The following CEP164 variants were observed in gnomAD, a reference collection of about 807,000 sequenced individuals.
CEP164 encodes the protein centrosomal protein of 164 kDa.
In CEP164, 162 loss-of-function variants were observed where a neutral mutation model predicts 182.7. The ratio of observed to expected loss-of-function variants is 0.89; its 90% CI spans 0.78 to 1.01. CEP164 has a LOEUF of 1.01. Ranked by LOEUF, CEP164 falls within the 50% of genes least tolerant of loss-of-function variation. CEP164 has a pLI of 0.00. For missense variants in CEP164, 1,735 were observed against 1,790.4 expected (o/e 0.97, Z 0.56); for synonymous variants, 661 against 690.0 (o/e 0.96, Z 0.66).
intron 3 of CEP164, among the ~76,000 whole-genome samples, chr11:117,339,511 C>CTCTGTTTTCT (rs2037745726): frequency 8.3e-6 from 1 of 119,846 alleles, no homozygotes; most frequent in Non-Finnish European, 1.7e-5. Context: ...TTACCTTTTC[C>CTCTGTTTTCT]TTTGTTTTTT....
chr11:117,412,339 A>G lies in CEP164; in HGVS notation c.*171A>G, dbSNP rs141750988. On this transcript the variant is annotated 3_prime_UTR_variant, in exon 33 of 33. Coordinates refer to ENST00000278935, the MANE Select transcript of CEP164 (RefSeq NM_014956.5). The stretch of plus-strand genomic sequence containing the variant: ...GAACAGTAAAGCCACACATTCTGTG[A>G]CTATATAACCTATCTCAGGCTAAAA... 251 of 584,466 alleles carry G rather than the reference A, an allele frequency of 4.3e-4. No individual in the cohort carries two copies. The African/African-American group carries it at 4.5e-3, about 10-fold the overall frequency. 36.2% of individuals were successfully genotyped at this position (584,466 alleles called of 1,614,324 possible). A position where few individuals can be genotyped will look rare whatever the true frequency, so the allele number is the denominator to read the frequency against.
intron 27 of CEP164, 50 bp downstream of exon 27, chr11:117,397,363 G>A: frequency 1.3e-6 from 2 of 1,549,686 alleles, no homozygotes; most frequent in South Asian, 1.2e-5. Context: ...GGAGGCGGGG[G>A]GAGTCAGCAA....
intron 1 of CEP164, among the ~76,000 whole-genome samples, chr11:117,331,456 G>T (rs1021983824): frequency 1.3e-5 from 2 of 152,172 alleles, no homozygotes; most frequent in Admixed American, 6.5e-5. Context: ...GACTGTGCTA[G>T]GCACTTTATA....
At chr11:117,403,980 C>T (rs545325556) in intron 27 of CEP164, among the ~76,000 whole-genome samples, 9 of 152,020 alleles carry the variant, frequency 5.9e-5, no homozygotes, top group Non-Finnish European at 1.0e-4. Flanking sequence ...ACAAAGTTCT[C>T]GTGCTTGTTT....
intron 20 of CEP164, 98 bp downstream of exon 20, chr11:117,393,224 C>T: frequency 6.7e-7 from 1 of 1,492,984 alleles, no homozygotes; most frequent in Non-Finnish European, 9.0e-7. Flanking sequence ...CGCACATGCA[C>T]ACACACCCCG....
At chr11:117,381,629 T>C in intron 12 of CEP164, 72 bp from the exon 13 acceptor site, 1 of 1,507,504 alleles carries the variant, frequency 6.6e-7, no homozygotes, top group South Asian at 1.3e-5. Context: ...GTCCACACAC[T>C]GTACTCCCCA....
At chr11:117,357,368 C>T (rs1393724283) in intron 5 of CEP164, among the ~76,000 whole-genome samples, 1 of 150,602 alleles carries the variant, frequency 6.6e-6, no homozygotes, top group Admixed American at 6.6e-5. Flanking sequence ...CTTGGCCTCC[C>T]CAAGTGCTGG....
intron 2 of CEP164, among the ~76,000 whole-genome samples, 172 bp downstream of exon 2, chr11:117,335,852 T>C (rs1360285636): frequency 6.6e-6 from 1 of 152,090 alleles, no homozygotes; most frequent in Non-Finnish European, 1.5e-5. Flanking sequence ...ATAATTAAAT[T>C]TCCACAAACC....
In CEP164 at chr11:117,411,815, A is replaced by C. The variant is rs1371473952; in HGVS notation, c.4184A>C (p.Gln1395Pro). 3 of 1,614,142 alleles carry C rather than the reference A, an allele frequency of 1.9e-6. No individual in the cohort carries two copies. Among genetic ancestry groups the C allele is most frequent in the South Asian group, 2.2e-5 (2 of 91,078 alleles). Residue 1395 changes from glutamine (Q) to proline (P), a missense_variant, in exon 32 of 33, where the codon CAG becomes CCG. Transcript: ENST00000278935. This position sits in a 1 kb window ranked among gnomAD's most constrained non-coding sequence, Gnocchi z 4.4. ...CCCAGTGAGCAGCTCCGGCTCCTAC[A>C]GCACTCCCATTCGCAAGTCCCTGAG... ...MSASEQLRLL[Q>P]HSHSQVPEAG...
At chr11:117,352,036 G>A (rs1214061235) in intron 5 of CEP164, 48 bp downstream of exon 5, 2 of 1,507,128 alleles carry the variant, frequency 1.3e-6, no homozygotes, top group South Asian at 1.2e-5. Context: ...CTGAAATCTG[G>A]AGGGATGTTG....
At chr11:117,366,531 G>A (rs1042699988) in intron 8 of CEP164, among the ~76,000 whole-genome samples, 2 of 152,166 alleles carry the variant, frequency 1.3e-5, no homozygotes, top group East Asian at 1.9e-4. Flanking sequence ...AAGGGTAGGC[G>A]AGCAGACTTT....
chr11:117,370,923 A>T (rs1225280080), intron 8 of CEP164, among the ~76,000 whole-genome samples, 157 bp from the exon 9 acceptor site: 1 of 152,148 alleles, frequency 6.6e-6, no homozygotes, highest in African/African-American at 2.4e-5. Flanking sequence ...AAAAATAAAA[A>T]AAAAAATTAA....
chr11:117,382,869 C>T lies in CEP164; in HGVS notation c.1651C>T (p.Pro551Ser). ...EQHSQAEELG[P>S]GQEEAEDPEE... ...GCATTCCCAGGCCGAGGAGCTGGGC[C>T]CTGGGCAGGAAGAGGCAGAGGATCC... Residue 551 changes from proline (P) to serine (S), a missense_variant, in exon 14 of 33, where the codon CCT becomes TCT. Pro to Ser is a moderately conservative substitution (Grantham distance 74). Coordinates refer to ENST00000278935, the MANE Select transcript of CEP164 (RefSeq NM_014956.5). 1 of 1,614,086 alleles carries T rather than the reference C, an allele frequency of 6.2e-7. No homozygotes were observed. Among genetic ancestry groups the T allele is most frequent in the Non-Finnish European group, 8.5e-7 (1 of 1,180,024 alleles).
chr11:117,398,042 A>G (rs1028650961), intron 27 of CEP164, among the ~76,000 whole-genome samples: 1 of 152,354 alleles, frequency 6.6e-6, no homozygotes. Context: ...TGTAAAATAA[A>G]AAACAAGCTA....
intron 8 of CEP164, chr11:117,364,164 T>A (rs1162037544): frequency 1.3e-5 from 2 of 152,216 alleles, no homozygotes; most frequent in Non-Finnish European, 2.9e-5. Flanking sequence ...AAATATTCCC[T>A]AAGTATTTAT....
chr11:117,411,748 TC>T lies in CEP164; in HGVS notation c.4164-45del, dbSNP rs1197494304. 1 of 1,610,710 alleles carries T rather than the reference TC, an allele frequency of 6.2e-7. No homozygotes were observed. Among genetic ancestry groups the T allele is most frequent in the Non-Finnish European group, 8.5e-7 (1 of 1,178,338 alleles). On this transcript the variant is annotated intron_variant, in intron 31 of 32. Coordinates refer to ENST00000278935, the MANE Select transcript of CEP164 (RefSeq NM_014956.5). This position sits in a 1 kb window ranked among gnomAD's most constrained non-coding sequence, Gnocchi z 4.4. ...TGGCCTCTGTGCATCCTCTGTCACTTCCGCGCCTCCTCTCTCCCCTCGCCAT... is the reference window on the plus strand; with the variant it reads ...TGGCCTCTGTGCATCCTCTGTCACTTCGCGCCTCCTCTCTCCCCTCGCCAT...
At chr11:117,368,729 T>C (rs562623703) in intron 8 of CEP164, among the ~76,000 whole-genome samples, 2 of 152,320 alleles carry the variant, frequency 1.3e-5, no homozygotes, top group African/African-American at 4.8e-5. Context: ...CTGCTGAGAA[T>C]TGGCCTTTGG....
intron 11 of CEP164, among the ~76,000 whole-genome samples, chr11:117,377,520 G>A (rs1470507981): frequency 6.6e-6 from 1 of 152,152 alleles, no homozygotes; most frequent in Admixed American, 6.5e-5. Context: ...GGGTGGAGGG[G>A]TCGAGATGGG....
At chr11:117,387,045 CTG>C (rs1198881756) in intron 14 of CEP164, 156 bp from the exon 15 acceptor site, 7 of 667,128 alleles carry the variant, frequency 1.0e-5, no homozygotes, top group Non-Finnish European at 2.6e-6. Context: ...CAAGCATTGA[CTG>C]TATCTCTTGG....
Sources: gnomAD v4.1 joint callset for allele counts (sites outside exome capture counted in the v4.1 genomes callset) on GRCh38, gnomAD v4.1.1 for gene constraint, Gnocchi (gnomAD v3.1) non-coding constraint, MANE v1.5 for transcripts, NCBI Gene and HGNC (gene_info 2026-07-23, HGNC 2026-07-21) for gene names.